Variants in RASEF observed in about 807,000 individuals in gnomAD.
RASEF encodes the protein ras and EF-hand domain-containing protein.
In RASEF, 68 loss-of-function variants were observed where a neutral mutation model predicts 90.1. That is an observed-to-expected ratio of 0.75 (90% CI 0.62 to 0.92). The LOEUF (loss-of-function observed/expected upper bound fraction) is 0.92. RASEF is among the 40% of genes least tolerant of loss of function. The pLI is 0.00. For missense variants in RASEF, 949 were observed against 937.2 expected (o/e 1.01, Z -0.16); for synonymous variants, 331 against 345.2 (o/e 0.96, Z 0.46).
chr9:83,139,192 G>C, the RASEF span, among the ~76,000 whole-genome samples: 1 of 152,192 alleles, frequency 6.6e-6, no homozygotes, highest in Non-Finnish European at 1.5e-5. Context: ...CAGGATCCCA[G>C]AGGATGCATG....
chr9:83,113,276 T>C, the RASEF span, among the ~76,000 whole-genome samples: 3 of 152,220 alleles, frequency 2.0e-5, no homozygotes, highest in Admixed American at 6.5e-5. Flanking sequence ...TCCCTAATAA[T>C]ACTCTTATAA....
chr9:82,994,042 A>G (rs1466202004), intron 14 of RASEF, among the ~76,000 whole-genome samples: 1 of 152,224 alleles, frequency 6.6e-6, no homozygotes. Flanking sequence ...TGCAGTGACT[A>G]AAGATACCTG....
At chr9:82,985,936 T>A (rs1169534371) in intron 16 of RASEF, among the ~76,000 whole-genome samples, 1 of 152,168 alleles carries the variant, frequency 6.6e-6, no homozygotes, top group Non-Finnish European at 1.5e-5. Flanking sequence ...AGGATTTGGA[T>A]ATGCAGAGTC....
At chr9:83,130,231 T>C in the RASEF span, among the ~76,000 whole-genome samples, 1 of 152,226 alleles carries the variant, frequency 6.6e-6, no homozygotes, top group Non-Finnish European at 1.5e-5. Context: ...TAATCTATCC[T>C]TGTGTAATTT....
At chr9:83,017,690 G>A (rs558222174) in intron 3 of RASEF, among the ~76,000 whole-genome samples, 2 of 152,308 alleles carry the variant, frequency 1.3e-5, no homozygotes, top group South Asian at 4.1e-4. Context: ...GAGGGAATAC[G>A]TCCCAACTCA....
the RASEF span, among the ~76,000 whole-genome samples, chr9:83,099,828 T>C: frequency 4.5e-4 from 69 of 152,254 alleles, no homozygotes; most frequent in African/African-American, 1.3e-3. Flanking sequence ...AGAATCCCCA[T>C]TGGAAAATAA....
chr9:83,199,736 G>A, the RASEF span, among the ~76,000 whole-genome samples: 1 of 152,216 alleles, frequency 6.6e-6, no homozygotes, highest in African/African-American at 2.4e-5. Context: ...AGAGGAGGCA[G>A]GGCATGGGTG....
chr9:83,208,362 C>A, the RASEF span, among the ~76,000 whole-genome samples: 1 of 152,196 alleles, frequency 6.6e-6, no homozygotes, highest in Non-Finnish European at 1.5e-5. Context: ...GCCTAGAACA[C>A]CCCTTCTGAG....
chr9:83,156,865 G>A, the RASEF span, among the ~76,000 whole-genome samples: 6 of 152,172 alleles, frequency 3.9e-5, no homozygotes, highest in Non-Finnish European at 8.8e-5. Flanking sequence ...TCATGATTTT[G>A]TCTAGTAATG....
At chr9:83,076,421 G>A in the RASEF span, among the ~76,000 whole-genome samples, 2 of 109,986 alleles carry the variant, frequency 1.8e-5, no homozygotes, top group African/African-American at 7.7e-5. Flanking sequence ...TAAAGTGAAG[G>A]TCTAGTTAAG....
At chr9:83,143,882 A>G in the RASEF span, among the ~76,000 whole-genome samples, 1 of 152,212 alleles carries the variant, frequency 6.6e-6, no homozygotes, top group Non-Finnish European at 1.5e-5. Context: ...TATTCACCAT[A>G]GCAAAGACAT....
the RASEF span, among the ~76,000 whole-genome samples, chr9:83,121,295 T>C: frequency 2.2e-4 from 33 of 152,216 alleles, no homozygotes; most frequent in African/African-American, 7.7e-4. Context: ...TGCATATATA[T>C]AATATATATC....
chr9:82,989,887 C>G (rs2118382348), intron 16 of RASEF, among the ~76,000 whole-genome samples: 1 of 152,270 alleles, frequency 6.6e-6, no homozygotes, highest in African/African-American at 2.4e-5. Flanking sequence ...TATCCAAGTT[C>G]TTTAATGATG....
chr9:83,177,168 C>A, the RASEF span, among the ~76,000 whole-genome samples: 1 of 152,180 alleles, frequency 6.6e-6, no homozygotes, highest in South Asian at 2.1e-4. Context: ...TGTGCATTCC[C>A]ATTGTCTTTT....
chr9:83,185,841 C>G, the RASEF span, among the ~76,000 whole-genome samples: 1 of 152,126 alleles, frequency 6.6e-6, no homozygotes, highest in African/African-American at 2.4e-5. Flanking sequence ...AGCACACTTT[C>G]TCTCAGCTGA....
chr9:83,148,511 G>A, the RASEF span, among the ~76,000 whole-genome samples: 3 of 152,134 alleles, frequency 2.0e-5, no homozygotes, highest in African/African-American at 7.2e-5. Flanking sequence ...CAAACCACAG[G>A]ATGGGAGAGA....
chr9:83,039,866 G>T (rs1188917588), intron 1 of RASEF, among the ~76,000 whole-genome samples: 5 of 152,030 alleles, frequency 3.3e-5, no homozygotes, highest in Admixed American at 2.6e-4. Context: ...ACATGCAAAG[G>T]CCCCTTTATC....
chr9:83,008,782 C>G (rs189066426), intron 6 of RASEF, among the ~76,000 whole-genome samples: 8 of 151,342 alleles, frequency 5.3e-5, no homozygotes, highest in Non-Finnish European at 8.9e-5. Context: ...AGCAATTAAC[C>G]CAAACCATGA....
chr9:83,168,467 C>T, the RASEF span, among the ~76,000 whole-genome samples: 1 of 151,820 alleles, frequency 6.6e-6, no homozygotes, highest in Non-Finnish European at 1.5e-5. Context: ...ATTGGGATAT[C>T]CATCACCTCA....
Sources: gnomAD v4.1 joint callset for allele counts (sites outside exome capture counted in the v4.1 genomes callset) on GRCh38, gnomAD v4.1.1 for gene constraint, MANE v1.5 for transcripts, NCBI Gene and HGNC (gene_info 2026-07-23, HGNC 2026-07-21) for gene names.